The following DLG2 variants were observed in gnomAD, a reference collection of about 807,000 sequenced individuals.
DLG2 encodes disks large homolog 2.
DLG2 carries 45 observed loss-of-function variants against 132.5 expected under a neutral mutation model. That is an observed-to-expected ratio of 0.34 (90% CI 0.27 to 0.44). The LOEUF is 0.44. Ranked by LOEUF, DLG2 falls within the 20% of genes least tolerant of loss-of-function variation. The probability of loss-of-function intolerance (pLI) is 1.00; values close to 1 mark genes in which losing one functional copy is unlikely to be tolerated. For missense variants in DLG2, 1,045 were observed against 1,196.9 expected, an observed-to-expected ratio of 0.87 and a Z score of 1.87; for synonymous variants, 424 against 419.6, an observed-to-expected ratio of 1.01 and a Z score of -0.13.
intron 6 of DLG2, among the ~76,000 whole-genome samples, chr11:84,538,604 T>C (rs917964374): frequency 6.6e-6 from 1 of 152,142 alleles, no homozygotes; most frequent in African/African-American, 2.4e-5. Context: ...CTATGTTTTT[T>C]TTTTTTCTTG....
At chr11:83,830,210 T>A (rs772021849) in intron 17 of DLG2, among the ~76,000 whole-genome samples, 1 of 152,242 alleles carries the variant, frequency 6.6e-6, no homozygotes, top group Non-Finnish European at 1.5e-5. Flanking sequence ...ACTTCAAAGA[T>A]TGTTGTTATA....
chr11:84,532,015 A>C (rs1421499900), intron 7 of DLG2, among the ~76,000 whole-genome samples: 1 of 152,086 alleles, frequency 6.6e-6, no homozygotes, highest in African/African-American at 2.4e-5. Context: ...ATGATGGTGC[A>C]ATCACCAAAA....
chr11:85,465,519 T>C lies in DLG2; in HGVS notation c.40+133138A>G, dbSNP rs561171311. 5.8e-4 allele frequency among the ~76,000 whole-genome samples: 88 copies of C among 152,132 alleles called. 1 individual carries two copies. Among genetic ancestry groups the C allele is most frequent in the African/African-American group, 1.6e-3 (68 of 41,516 alleles). On this transcript the variant is annotated intron_variant, in intron 3 of 27. Coordinates refer to ENST00000376104, the MANE Select transcript of DLG2 (RefSeq NM_001142699.3). ...CCCTTCCTGTGTCCATGTGTTCTCA[T>C]TGTTCAATTCCCACCTATGAGTGAG...
chr11:85,392,116 A>T (rs1031395048), intron 3 of DLG2, among the ~76,000 whole-genome samples: 7 of 152,298 alleles, frequency 4.6e-5, no homozygotes, highest in African/African-American at 1.7e-4. Flanking sequence ...TAATGTAAAA[A>T]ATTAGTGGCT....
At chr11:84,545,835 A>T in intron 6 of DLG2, 1 of 154,350 alleles carries the variant, frequency 6.5e-6, no homozygotes, top group East Asian at 2.0e-4. Context: ...TGCTCACTGC[A>T]ACCTCTGCCT....
At chr11:85,600,390 T>TCA (rs2080071136) in intron 2 of DLG2, among the ~76,000 whole-genome samples, 1 of 152,204 alleles carries the variant, frequency 6.6e-6, no homozygotes, top group East Asian at 1.9e-4. Flanking sequence ...AACACTTTTT[T>TCA]CACTAGGCTT....
chr11:85,344,911 T>C (rs189825856), intron 3 of DLG2, among the ~76,000 whole-genome samples: 4 of 152,198 alleles, frequency 2.6e-5, no homozygotes, highest in East Asian at 3.9e-4. Context: ...TAACACCATA[T>C]GCTACACACT....
At chr11:85,009,323 C>T (rs919933652) in intron 6 of DLG2, among the ~76,000 whole-genome samples, 3 of 152,070 alleles carry the variant, frequency 2.0e-5, no homozygotes, top group Non-Finnish European at 4.4e-5. Flanking sequence ...AGTGAAATAT[C>T]AAATCAAGAG....
intron 6 of DLG2, among the ~76,000 whole-genome samples, chr11:85,008,783 A>G (rs2058912264): frequency 6.6e-6 from 1 of 152,062 alleles, no homozygotes; most frequent in Middle Eastern, 3.2e-3. Context: ...AGTGGAATGG[A>G]GACTAACAAA....
At chr11:84,556,456 C>T (rs2099412127) in intron 6 of DLG2, among the ~76,000 whole-genome samples, 1 of 152,176 alleles carries the variant, frequency 6.6e-6, no homozygotes, top group South Asian at 2.1e-4. Context: ...CTTTTGGCTT[C>T]CCTAGGCCAC....
At chr11:83,566,859 A>T (rs2096718205) in intron 19 of DLG2, among the ~76,000 whole-genome samples, 3 of 152,066 alleles carry the variant, frequency 2.0e-5, no homozygotes, top group Admixed American at 6.6e-5. Context: ...TTTTATGATA[A>T]AGCTTATATG....
Position 83,717,976 on chromosome 11 carries a change from T to C in DLG2, c.1825+68714A>G, listed in dbSNP as rs182785488. 2.0e-5 allele frequency among the ~76,000 whole-genome samples: 3 copies of C among 152,330 alleles called. No homozygotes were observed. In the East Asian group the frequency reaches 5.8e-4, roughly 29 times the overall value. On this transcript the variant is annotated intron_variant, in intron 18 of 27. Coordinates refer to ENST00000376104, the MANE Select transcript of DLG2 (RefSeq NM_001142699.3). ...GACTCAATAGTAAAGGAACAATCCC[T>C]GTTCTGGTCTATCTTTGGGAGTAAA...
At chr11:85,060,719 T>C (rs919006278) in intron 6 of DLG2, among the ~76,000 whole-genome samples, 1 of 151,758 alleles carries the variant, frequency 6.6e-6, no homozygotes, top group Non-Finnish European at 1.5e-5. Flanking sequence ...GTGGGTCATA[T>C]GAAAATTAAA....
intron 11 of DLG2, among the ~76,000 whole-genome samples, chr11:83,993,918 C>A (rs971654622): frequency 1.3e-5 from 2 of 152,002 alleles, no homozygotes; most frequent in African/African-American, 4.8e-5. Context: ...GAGGATGTCC[C>A]ACTGGCAGGG....
intron 3 of DLG2, among the ~76,000 whole-genome samples, chr11:85,308,291 G>A (rs1372816915): frequency 6.7e-6 from 1 of 149,148 alleles, no homozygotes; most frequent in Non-Finnish European, 1.5e-5. Flanking sequence ...AAAAAAAACT[G>A]ACCCACAAAA....
chr11:84,603,949 GCTGGAATAAGGA>G (rs2099581083), intron 6 of DLG2, among the ~76,000 whole-genome samples: 2 of 151,808 alleles, frequency 1.3e-5, no homozygotes, highest in Non-Finnish European at 2.9e-5. Context: ...CCTATCACAT[GCTGGAATAAGGA>G]AATTTTCTTA....
At chr11:85,050,028 T>C (rs924192634) in intron 6 of DLG2, among the ~76,000 whole-genome samples, 3 of 151,890 alleles carry the variant, frequency 2.0e-5, no homozygotes, top group Non-Finnish European at 4.4e-5. Flanking sequence ...CTTGGCTAGA[T>C]GTCCAGTCTT....
At chr11:84,535,459 C>T (rs1031741429) in intron 6 of DLG2, among the ~76,000 whole-genome samples, 4 of 152,130 alleles carry the variant, frequency 2.6e-5, no homozygotes, top group Non-Finnish European at 2.9e-5. Context: ...TCTCTTGTTC[C>T]CTTTTCCTCT....
chr11:83,956,066 A>G (rs11233854), intron 14 of DLG2, among the ~76,000 whole-genome samples: 15,248 of 151,976 alleles, frequency 0.1, 831 homozygotes, highest in Non-Finnish European at 0.12. Context: ...TATTATTTCT[A>G]TTCCTCCAGC....
Sources: gnomAD v4.1 joint callset for allele counts (sites outside exome capture counted in the v4.1 genomes callset) on GRCh38, gnomAD v4.1.1 for gene constraint, MANE v1.5 for transcripts, NCBI Gene and HGNC (gene_info 2026-07-23, HGNC 2026-07-21) for gene names.